The following CLEC4M variants were observed in gnomAD, a reference collection of about 807,000 sequenced individuals.
CLEC4M encodes the protein C-type lectin domain family 4 member M, also known as CD209 antigen-like protein 1.
Under a neutral mutation model 39.1 loss-of-function variants are expected in CLEC4M, and 25 were observed. The observed-to-expected ratio is 0.64, with a 90% CI of 0.47 to 0.89. The LOEUF (loss-of-function observed/expected upper bound fraction) is 0.89, where lower values mean the gene tolerates loss of function less well. Ranked by LOEUF, CLEC4M falls within the 40% of genes least tolerant of loss-of-function variation. CLEC4M has a pLI of 0.00. For missense variants in CLEC4M, 353 were observed against 431.4 expected, an observed-to-expected ratio of 0.82 and a Z score of 1.61; for synonymous variants, 155 against 177.4, an observed-to-expected ratio of 0.87 and a Z score of 1.00.
chr19:7,767,959 C>A, intron 6 of CLEC4M: 1 of 211,406 alleles, frequency 4.7e-6, no homozygotes, highest in Non-Finnish European at 9.7e-6. Flanking sequence ...ATCCTACCCA[C>A]AGGTTCCTAG....
At position 7,766,194 on chromosome 19, in the gene CLEC4M, G is replaced by A; in HGVS notation, c.771G>A (p.Leu257=). Residue 257 remains leucine (L), a synonymous_variant, in exon 4 of 7, where the codon TTG becomes TTA. Transcript: ENST00000327325. ...QQQIYQELTD[L]KTAFERLCRH... ...AAATCTATCAAGAACTGACCGATTT[G>A]AAGACTGCATTTGGTGAGTTCCTGC... The A allele has an allele frequency of 2.5e-6, 4 of 1,614,212 alleles. No homozygotes were observed. The highest frequency in any genetic ancestry group is 3.4e-6 in the Non-Finnish European group (4 of 1,180,036).
rs1407474761 is a variant in CLEC4M at position 7,769,124 on chromosome 19, A to G, written c.*136A>G. On this transcript the variant is annotated 3_prime_UTR_variant, in exon 7 of 7. Transcript: ENST00000327325. Reference sequence around the variant, plus strand: ...TTCTCTGTTCGATTTTTCATCCCCTATGAACCTGGGTCTTATTCTGTCCTT... The same window carrying G: ...TTCTCTGTTCGATTTTTCATCCCCTGTGAACCTGGGTCTTATTCTGTCCTT... The G allele has an allele frequency of 2.3e-5, 19 of 836,280 alleles. No individual in the cohort carries two copies. Among genetic ancestry groups the G allele is most frequent in the Middle Eastern group, 6.7e-4 (2 of 2,996 alleles). 51.8% of individuals were successfully genotyped at this position (836,280 alleles called of 1,614,324 possible).
In CLEC4M at chr19:7,769,011, C is replaced by A; in HGVS notation, c.*23C>A. Reference sequence around the variant, plus strand: ...TAGTTGTTTCCCTGCTAGCCTCAGCCTCCATTGTGGTATAGCAGAACTTCA... The same window carrying A: ...TAGTTGTTTCCCTGCTAGCCTCAGCATCCATTGTGGTATAGCAGAACTTCA... On this transcript the variant is annotated 3_prime_UTR_variant, in exon 7 of 7. Transcript: ENST00000327325. 1 of 1,611,422 alleles carries A rather than the reference C, an allele frequency of 6.2e-7. No individual in the cohort carries two copies. Among genetic ancestry groups the A allele is most frequent in the African/African-American group, 1.3e-5 (1 of 75,014 alleles).
At chr19:7,763,799 A>G (rs1219555274) in intron 2 of CLEC4M, among the ~76,000 whole-genome samples, 1 of 147,410 alleles carries the variant, frequency 6.8e-6, no homozygotes, top group Non-Finnish European at 1.5e-5. Context: ...GAACCAGAGG[A>G]GGTGGGAGAA....
chr19:7,765,602 G>A (rs2034222593), intron 3 of CLEC4M, 36 bp from the exon 4 acceptor site: 4 of 1,613,050 alleles, frequency 2.5e-6, no homozygotes, highest in Non-Finnish European at 3.4e-6. Flanking sequence ...CACAGTAGGT[G>A]TTTAATAATT....
intron 6 of CLEC4M, 75 bp downstream of exon 6, chr19:7,767,703 G>T (rs568743797): frequency 7.4e-7 from 1 of 1,356,566 alleles, no homozygotes; most frequent in African/African-American, 1.4e-5. Flanking sequence ...CTTTCCCTGG[G>T]GGTCCCCCCC....
In CLEC4M at chr19:7,766,077, G is replaced by T. The variant is rs542483363; in HGVS notation, c.654G>T (p.Leu218Phe). ...AGCTGAAGGCTGCAGTGGGTGAGTT[G>T]CCAGAGAAATCCAAGCTGCAGGAGA... ...LTELKAAVGELPEKSKLQEIY... is the reference protein window; with the variant it reads ...LTELKAAVGEFPEKSKLQEIY... Residue 218 changes from leucine to phenylalanine, a missense_variant, in exon 4 of 7, where the codon TTG (leucine) becomes TTT (phenylalanine). By Grantham distance (22) the Leu-to-Phe change is conservative (BLOSUM62 0). This residue lies in a region of CLEC4M where 18 missense variants were observed against 77.1 expected (regional missense o/e 0.23). Transcript: ENST00000327325. 4 of 1,593,462 alleles carry T rather than the reference G, an allele frequency of 2.5e-6. No individual in the cohort carries two copies. The highest frequency in any genetic ancestry group is 3.4e-6 in the Non-Finnish European group (4 of 1,170,522).
chr19:7,764,923 G>C (rs374719629), intron 2 of CLEC4M, among the ~76,000 whole-genome samples: 5 of 152,130 alleles, frequency 3.3e-5, no homozygotes, highest in African/African-American at 1.2e-4. Context: ...CTGGGGAGGT[G>C]GACGCAGGTA....
In CLEC4M at chr19:7,767,511, T is replaced by C. The variant is rs2034329764; in HGVS notation, c.937-5T>C. The C allele has an allele frequency of 1.2e-6, 2 of 1,612,226 alleles. No homozygotes were observed. Among genetic ancestry groups the C allele is most frequent in the African/African-American group, 2.7e-5 (2 of 74,880 alleles). Reference sequence around the variant, plus strand: ...CTCCCTCCTGACTCCTCCTCTACCCTCCAGAACTTCCTACAGCTGCAGACT... The same window carrying C: ...CTCCCTCCTGACTCCTCCTCTACCCCCCAGAACTTCCTACAGCTGCAGACT... On this transcript the variant is annotated splice_region_variant and splice_polypyrimidine_tract_variant and intron_variant, in intron 5 of 6. Transcript: ENST00000327325.
rs564250941 is a variant in CLEC4M, at chr19:7,765,001, G to A, written c.131-184G>A. Among the ~76,000 whole-genome samples, 467 of 152,098 alleles carry A rather than the reference G, an allele frequency of 3.1e-3. 5 individuals carry two copies. Among genetic ancestry groups the A allele is most frequent in the African/African-American group, 0.011 (451 of 41,464 alleles). On this transcript the variant is annotated intron_variant, in intron 2 of 6. Coordinates refer to ENST00000327325, the MANE Select transcript of CLEC4M (RefSeq NM_014257.5). ...ACTCCTGGGACTTGGGGAGGGAGAG[G>A]CTGGGGATGGGGTTCCTGGGTCCTG...
Position 7,769,355 on chromosome 19 carries a change from C to T in CLEC4M, c.*367C>T, listed in dbSNP as rs80311241. ...GCTTTATCTCATCCATGCAAACTACCATCTGCTCAACTTCCAGCTACACCC... is the reference window on the plus strand; with the variant it reads ...GCTTTATCTCATCCATGCAAACTACTATCTGCTCAACTTCCAGCTACACCC... On this transcript the variant is annotated 3_prime_UTR_variant, in exon 7 of 7. Transcript: ENST00000327325. 0.014 allele frequency: 2,412 copies of T among 167,144 alleles called. 60 individuals are homozygous for T. The highest frequency in any genetic ancestry group is 0.051 in the African/African-American group (2,152 of 42,284). The allele number at this position is 167,144 out of a possible 1,614,324, so 10.4% of individuals were successfully genotyped here.
chr19:7,764,958 G>A (rs1019314458), intron 2 of CLEC4M, among the ~76,000 whole-genome samples: 1 of 152,040 alleles, frequency 6.6e-6, no homozygotes, highest in African/African-American at 2.4e-5. Flanking sequence ...ACCTGGGGAG[G>A]TGGGGGTTGG....
At position 7,769,120 on chromosome 19, in the gene CLEC4M, C is replaced by T. The variant is rs566071210; in HGVS notation, c.*132C>T. On this transcript the variant is annotated 3_prime_UTR_variant, in exon 7 of 7. Transcript: ENST00000327325. ...ACGGTTCTCTGTTCGATTTTTCATC[C>T]CCTATGAACCTGGGTCTTATTCTGT... 2.1e-5 allele frequency: 18 copies of T among 862,948 alleles called. No individual in the cohort carries two copies. In the Admixed American group the frequency reaches 4.2e-4, roughly 20 times the overall value. The allele number at this position is 862,948 out of a possible 1,614,324, so 53.5% of individuals were successfully genotyped here.
rs774544436 is a variant in CLEC4M at position 7,768,880 on chromosome 19, G to T, written c.1092G>T (p.Gly364=). The T allele has an allele frequency of 3.1e-6, 5 of 1,614,068 alleles. No homozygotes were observed. In the East Asian group the frequency reaches 1.1e-4, roughly 36 times the overall value. The part of the protein sequence containing the change: ...YWNSGEPNNS[G]NEDCAEFSGS... ...ACAGTGGAGAACCCAACAATAGCGG[G>T]AATGAAGACTGTGCGGAATTTAGTG... The change falls in exon 7 of 7, where the codon GGG becomes GGT. Residue 364 remains glycine, a synonymous_variant. Coordinates refer to ENST00000327325, the MANE Select transcript of CLEC4M (RefSeq NM_014257.5).
At chr19:7,766,919 A>G in intron 5 of CLEC4M, 112 bp downstream of exon 5, 1 of 1,550,874 alleles carries the variant, frequency 6.4e-7, no homozygotes, top group Non-Finnish European at 8.7e-7. Flanking sequence ...ATTTGGAAAG[A>G]TGGGAAGAGA....
Position 7,768,916 on chromosome 19 carries a change from G to C in CLEC4M, c.1128G>C (p.Trp376Cys). ...EDCAEFSGSGWNDNRCDVDNY... is the reference protein window; with the variant it reads ...EDCAEFSGSGCNDNRCDVDNY... ...GTGCGGAATTTAGTGGCAGTGGCTG[G>C]AACGACAATCGATGTGACGTTGACA... The change falls in exon 7 of 7, where the codon TGG becomes TGC. Residue 376 changes from tryptophan to cysteine, a missense_variant. Around this residue, in one of 4 missense-constraint regions of CLEC4M, gnomAD observed 196 missense variants for 211.7 expected, o/e 0.93. Transcript: ENST00000327325. 1 of 1,614,170 alleles carries C rather than the reference G, an allele frequency of 6.2e-7. No individual in the cohort carries two copies. Among genetic ancestry groups the C allele is most frequent in the Non-Finnish European group, 8.5e-7 (1 of 1,180,020 alleles).
chr19:7,767,036 C>T lies in CLEC4M; in HGVS notation c.936+229C>T. On this transcript the variant is annotated intron_variant, in intron 5 of 6. Transcript: ENST00000327325. ...GTCAAATGTAAGCAAACCACCACAG[C>T]ATGCTGCAGGTGTTTAACGGCCAGC... 13 of 706,536 alleles carry T rather than the reference C, an allele frequency of 1.8e-5. No homozygotes were observed. The South Asian group carries it at 2.6e-4, about 14-fold the overall frequency. 43.8% of individuals were successfully genotyped at this position (706,536 alleles called of 1,614,324 possible).
rs1599513311 is a variant in CLEC4M at position 7,765,978 on chromosome 19, G to A, written c.555G>A (p.Leu185=). The change falls in exon 4 of 7, where the codon CTG becomes CTA. Residue 185 remains leucine, a synonymous_variant. Coordinates refer to ENST00000327325, the MANE Select transcript of CLEC4M (RefSeq NM_014257.5). Reference sequence around the variant, plus strand: ...AGCTGCAGGAGATCTACCAGGAGCTGACCCGGCTGAAGGCTGCAGTGGGTG... The same window carrying A: ...AGCTGCAGGAGATCTACCAGGAGCTAACCCGGCTGAAGGCTGCAGTGGGTG... ...KSKLQEIYQE[L]TRLKAAVGEL... The A allele has an allele frequency of 1.9e-6, 1 of 538,850 alleles. No individual in the cohort carries two copies. The highest frequency in any genetic ancestry group is 3.3e-6 in the Non-Finnish European group (1 of 306,514). The allele number at this position is 538,850 out of a possible 1,614,324, so 33.4% of individuals were successfully genotyped here. A position where few individuals can be genotyped will look rare whatever the true frequency, so the allele number is the denominator to read the frequency against.
rs752139901 is a variant in CLEC4M, at chr19:7,768,819, T to A, written c.1050-19T>A. The A allele has an allele frequency of 6.2e-7, 1 of 1,611,862 alleles. No individual in the cohort carries two copies. Among genetic ancestry groups the A allele is most frequent in the East Asian group, 2.2e-5 (1 of 44,818 alleles). Reference sequence around the variant, plus strand: ...CTACTGGGCAGGGCAGAGGCTCACATTCTGCATGGGCTTTGCAGCTTCCAG... The same window carrying A: ...CTACTGGGCAGGGCAGAGGCTCACAATCTGCATGGGCTTTGCAGCTTCCAG... On this transcript the variant is annotated intron_variant, in intron 6 of 6. Coordinates refer to ENST00000327325, the MANE Select transcript of CLEC4M (RefSeq NM_014257.5).
Sources: gnomAD v4.1 joint callset for allele counts (sites outside exome capture counted in the v4.1 genomes callset) on GRCh38, gnomAD v4.1.1 for gene constraint, gnomAD v4.1.1 regional missense constraint, MANE v1.5 for transcripts, NCBI Gene and HGNC (gene_info 2026-07-23, HGNC 2026-07-21) for gene names.